Variants in TBL1XR1 observed in about 807,000 individuals in gnomAD.
TBL1XR1 encodes the protein TBL1X/Y related 1, also known as F-box-like/WD repeat-containing protein TBL1XR1.
Under a neutral mutation model 66.9 loss-of-function variants are expected in TBL1XR1, and 5 were observed. The ratio of observed to expected loss-of-function variants is 0.07; its 90% CI spans 0.04 to 0.16. The LOEUF (loss-of-function observed/expected upper bound fraction) is 0.16. TBL1XR1 is among the 10% of genes least tolerant of loss of function. The pLI is 1.00. For missense variants in TBL1XR1, 238 were observed against 623.2 expected (o/e 0.38, Z 6.58); for synonymous variants, 210 against 206.0 (o/e 1.02, Z -0.17).
At chr3:177,054,044 T>TCG (rs1315225561) in intron 3 of TBL1XR1, 126 bp from the exon 4 acceptor site, 2 of 843,580 alleles carry the variant, frequency 2.4e-6, no homozygotes, top group East Asian at 5.5e-5. Context: ...CAGACGAAGG[T>TCG]CGTGTGTGTG....
intron 1 of TBL1XR1, among the ~76,000 whole-genome samples, chr3:177,135,333 G>GTA (rs1560213916): frequency 7.4e-5 from 4 of 53,820 alleles, no homozygotes; most frequent in South Asian, 7.2e-4. Flanking sequence ...GTGTGTGTGT[G>GTA]TATACATATA....
intron 1 of TBL1XR1, among the ~76,000 whole-genome samples, chr3:177,119,368 C>T (rs1043614711): frequency 6.6e-6 from 1 of 152,170 alleles, no homozygotes; most frequent in Non-Finnish European, 1.5e-5. Flanking sequence ...TTTTCCACAA[C>T]TTGTCATAAA....
rs142012594 is a variant in TBL1XR1, at chr3:177,144,615, G to A, written c.-121-46074C>T. On this transcript the variant is annotated intron_variant, in intron 1 of 15. Transcript: ENST00000457928. ...TTAGAAAAAAAAAAATTGGCTGGGT[G>A]TGGTAGCGGGTGCCTGTAGTTCCAG... is the stretch of plus-strand genomic sequence containing the variant. 1.4e-3 allele frequency among the ~76,000 whole-genome samples: 217 copies of A among 152,178 alleles called. 1 individual carries two copies. Among genetic ancestry groups the A allele is most frequent in the African/African-American group, 5.1e-3 (211 of 41,532 alleles).
At chr3:177,125,109 GACA>G (rs1727452820) in intron 1 of TBL1XR1, among the ~76,000 whole-genome samples, 1 of 151,610 alleles carries the variant, frequency 6.6e-6, no homozygotes, top group Non-Finnish European at 1.5e-5. Context: ...CATTTCAAAA[GACA>G]ACATCAAGAA....
intron 2 of TBL1XR1, among the ~76,000 whole-genome samples, chr3:177,082,904 C>A (rs1374516717): frequency 6.6e-6 from 1 of 150,906 alleles, no homozygotes; most frequent in African/African-American, 2.4e-5. Flanking sequence ...TACAGGCGAC[C>A]ACCACCACAT....
chr3:177,046,857 A>G (rs1032291745), intron 9 of TBL1XR1, among the ~76,000 whole-genome samples: 7 of 152,168 alleles, frequency 4.6e-5, no homozygotes, highest in African/African-American at 1.7e-4. Flanking sequence ...AGAAGGTCCT[A>G]TTTCCAACTC....
In TBL1XR1 at chr3:177,096,335, T is replaced by TAC. The variant is rs6148210; in HGVS notation, c.-46+2129_-46+2130dup. On this transcript the variant is annotated intron_variant, in intron 2 of 15. Transcript: ENST00000457928. ...TCTAACACACACTAACATACATACA[T>TAC]ACACACACACACACACACTTAAATT... Among the ~76,000 whole-genome samples the TAC allele has an allele frequency of 5.8e-3, 870 of 150,314 alleles. 8 individuals carry two copies. The highest frequency in any genetic ancestry group is 0.016 in the African/African-American group (665 of 40,844).
chr3:177,146,650 C>G (rs1349623055), intron 1 of TBL1XR1, among the ~76,000 whole-genome samples: 1 of 143,618 alleles, frequency 7.0e-6, no homozygotes, highest in South Asian at 2.3e-4. Context: ...CAGAAAAATT[C>G]TAAATAACAG....
chr3:177,130,071 G>C (rs1301059763), intron 1 of TBL1XR1, among the ~76,000 whole-genome samples: 1 of 151,104 alleles, frequency 6.6e-6, no homozygotes, highest in East Asian at 1.9e-4. Flanking sequence ...CTTGAACCCA[G>C]GAGGCGGAGG....
chr3:177,098,430 T>A (rs1369354143), intron 2 of TBL1XR1, 36 bp downstream of exon 2: 1 of 971,300 alleles, frequency 1.0e-6, no homozygotes, highest in Non-Finnish European at 1.2e-6. Flanking sequence ...AACAAGAGAA[T>A]AAGAAACACT....
At chr3:177,198,865 GACACACACACAC>G (rs57636923), upstream of TBL1XR1, among the ~76,000 whole-genome samples, 58,372 of 148,040 alleles carry the variant, frequency 0.39, 11,849 homozygotes, top group Non-Finnish European at 0.46. Flanking sequence ...GAAGTTTTGC[GACACACACACAC>G]ACACACACAC....
At position 177,025,187 on chromosome 3, in the gene TBL1XR1, G is replaced by C. The variant is rs1712936619; in HGVS notation, c.*311C>G. 3 of 317,640 alleles carry C rather than the reference G, an allele frequency of 9.4e-6. No homozygotes were observed. The South Asian group carries it at 3.1e-4, about 33-fold the overall frequency. 19.7% of individuals were successfully genotyped at this position (317,640 alleles called of 1,614,324 possible). ...ATTTAGTATCCAAAAACTGGTACAT[G>C]TATGTTCTGCTTTTATAATGTATAT... On this transcript the variant is annotated 3_prime_UTR_variant, in exon 16 of 16. Coordinates refer to ENST00000457928, the MANE Select transcript of TBL1XR1 (RefSeq NM_024665.7).
intron 1 of TBL1XR1, among the ~76,000 whole-genome samples, chr3:177,178,971 G>C (rs1165209248): frequency 2.0e-5 from 3 of 152,122 alleles, no homozygotes; most frequent in African/African-American, 7.2e-5. Context: ...ACAAAAATTA[G>C]CCGGGTGTGG....
rs529923866 is a variant in TBL1XR1 at position 177,019,908 on chromosome 3, C to G, written c.*5590G>C. The G allele has an allele frequency of 1.4e-5, 2 of 147,902 alleles. No homozygotes were observed. The highest frequency in any genetic ancestry group is 4.0e-4 in the East Asian group (2 of 5,058). 9.2% of individuals were successfully genotyped at this position (147,902 alleles called of 1,614,324 possible). A position where few individuals can be genotyped will look rare whatever the true frequency, so the allele number is the denominator to read the frequency against. On this transcript the variant is annotated 3_prime_UTR_variant, in exon 16 of 16. Transcript: ENST00000457928. ...CTGCAGTGGCTTATTTCTAATAAAA[C>G]ATAAAACTATGCTTGAATTTATTTC...
chr3:177,162,510 GGA>G (rs1287972134), intron 1 of TBL1XR1, among the ~76,000 whole-genome samples: 1 of 152,160 alleles, frequency 6.6e-6, no homozygotes, highest in East Asian at 1.9e-4. Context: ...TGTCTAAGAT[GGA>G]GAGAAGGAAA....
chr3:177,136,431 C>T (rs757168512), intron 1 of TBL1XR1, among the ~76,000 whole-genome samples: 8 of 152,130 alleles, frequency 5.3e-5, no homozygotes, highest in South Asian at 2.1e-4. Context: ...AGGCGCCAGC[C>T]ACTACACCCA....
At chr3:177,073,072 GA>G (rs979933930) in intron 2 of TBL1XR1, among the ~76,000 whole-genome samples, 1 of 151,188 alleles carries the variant, frequency 6.6e-6, no homozygotes, top group Non-Finnish European at 1.5e-5. Context: ...TTCAAAAAAA[GA>G]AAAAAAATAC....
chr3:177,059,289 C>G (rs1431580412), intron 3 of TBL1XR1, among the ~76,000 whole-genome samples: 1 of 152,070 alleles, frequency 6.6e-6, no homozygotes, highest in South Asian at 2.1e-4. Flanking sequence ...TTATCTGAGT[C>G]AACAAAGAAA....
intron 1 of TBL1XR1, chr3:177,196,592 G>A (rs1330134429): frequency 3.3e-5 from 5 of 150,106 alleles, no homozygotes; most frequent in Admixed American, 6.6e-5. Flanking sequence ...GCCCGGGGAG[G>A]GGAGATTTCC....
Sources: allele counts gnomAD v4.1 joint callset (sites outside exome capture counted in the v4.1 genomes callset), GRCh38; gene constraint gnomAD v4.1.1; transcripts MANE v1.5; gene names NCBI Gene and HGNC (gene_info 2026-07-23, HGNC 2026-07-21).